The following PKNOX2 variants were observed in gnomAD, a reference collection of about 807,000 sequenced individuals.
The protein encoded by PKNOX2 is homeobox protein PKNOX2.
PKNOX2 carries 14 observed loss-of-function variants against 53.1 expected under a neutral mutation model. The observed-to-expected ratio is 0.26, with a 90% CI of 0.17 to 0.41. PKNOX2 has a LOEUF of 0.41. Ranked by LOEUF, PKNOX2 falls within the 10% of genes least tolerant of loss-of-function variation. PKNOX2 has a pLI of 1.00. For synonymous variants in PKNOX2, 257 were observed against 242.8 expected (o/e 1.06, Z -0.54); for missense variants, 496 against 602.8 (o/e 0.82, Z 1.85).
rs534448203 is a variant in PKNOX2 at position 125,315,303 on chromosome 11, G to GAAAAAAAAAAAAAAAAAAA, written c.-129-16509_-129-16491dup. Among the ~76,000 whole-genome samples the GAAAAAAAAAAAAAAAAAAA allele has an allele frequency of 4.7e-4, 37 of 79,436 alleles. 1 individual carries two copies. The highest frequency in any genetic ancestry group is 8.2e-4 in the Non-Finnish European group (30 of 36,504). 52.1% of individuals were successfully genotyped at this position (79,436 alleles called of 152,430 possible). On this transcript the variant is annotated intron_variant, in intron 2 of 12. Coordinates refer to ENST00000298282, the MANE Select transcript of PKNOX2 (RefSeq NM_001382323.2). ...ATTCACTTTACTGTTTGTGAAGCAG[G>GAAAAAAAAAAAAAAAAAAA]AAAAAAAAAAAAAAAAAAAAAAAAA...
At chr11:125,413,360 C>T (rs1255428324) in intron 10 of PKNOX2, among the ~76,000 whole-genome samples, 1 of 152,188 alleles carries the variant, frequency 6.6e-6, no homozygotes, top group African/African-American at 2.4e-5. Context: ...AGGTCTCCTG[C>T]CTTTCAGGTT....
intron 3 of PKNOX2, among the ~76,000 whole-genome samples, chr11:125,343,207 G>C (rs1219291637): frequency 2.6e-5 from 4 of 152,146 alleles, no homozygotes; most frequent in Non-Finnish European, 1.5e-5. Flanking sequence ...CAGGTGTGGT[G>C]AGTGTGAGTT....
At chr11:125,385,867 T>G (rs532479683) in intron 6 of PKNOX2, 145 bp downstream of exon 6, 3 of 1,006,882 alleles carry the variant, frequency 3.0e-6, no homozygotes, top group Non-Finnish European at 4.2e-6. Flanking sequence ...TGCACCAGTC[T>G]TGCAGCCAAC....
At position 125,367,910 on chromosome 11, in the gene PKNOX2, C is replaced by A; in HGVS notation, c.152C>A (p.Ala51Asp). Residue 51 changes from alanine (A) to aspartate (D), a missense_variant, in exon 5 of 13, where the codon GCT becomes GAT. Transcript: ENST00000298282. ...QAVHISAPSA[A>D]ASTPVPSAPI... The stretch of plus-strand genomic sequence containing the variant: ...GTCCACATCTCTGCCCCCTCAGCTG[C>A]TGCCAGCACACCTGTGCCCAGTGCC... 6.2e-7 allele frequency: 1 copy of A among 1,613,790 alleles called. No individual in the cohort carries two copies. Among genetic ancestry groups the A allele is most frequent in the Non-Finnish European group, 8.5e-7 (1 of 1,179,922 alleles).
chr11:125,207,159 G>C (rs1028964695), intron 1 of PKNOX2, among the ~76,000 whole-genome samples: 2 of 151,792 alleles, frequency 1.3e-5, no homozygotes, highest in Non-Finnish European at 2.9e-5. Context: ...AACATAAGAG[G>C]AAAAATAGGT....
intron 2 of PKNOX2, among the ~76,000 whole-genome samples, chr11:125,249,077 A>G (rs1452848380): frequency 1.8e-5 from 2 of 111,096 alleles, no homozygotes; most frequent in Admixed American, 1.8e-4. Context: ...ACACATATAT[A>G]CACACACACA....
intron 2 of PKNOX2, among the ~76,000 whole-genome samples, chr11:125,246,042 A>G (rs551925754): frequency 9.8e-5 from 15 of 152,344 alleles, no homozygotes; most frequent in Non-Finnish European, 1.5e-4. Context: ...AACCTCACCA[A>G]TTCCTGGGGT....
chr11:125,187,703 C>T (rs1317853519), intron 1 of PKNOX2, among the ~76,000 whole-genome samples: 1 of 151,844 alleles, frequency 6.6e-6, no homozygotes, highest in Non-Finnish European at 1.5e-5. Context: ...GAACTTCCAG[C>T]CAATATTGAA....
At chr11:125,396,881 G>A (rs1033269384) in intron 6 of PKNOX2, among the ~76,000 whole-genome samples, 1 of 152,108 alleles carries the variant, frequency 6.6e-6, no homozygotes, top group Non-Finnish European at 1.5e-5. Flanking sequence ...AACAATTCTG[G>A]CACTTAGAAA....
chr11:125,243,672 G>A (rs369409004), intron 2 of PKNOX2, among the ~76,000 whole-genome samples: 1 of 151,266 alleles, frequency 6.6e-6, no homozygotes, highest in South Asian at 2.1e-4. Context: ...GCCCAGGCTG[G>A]AGTGCAGTGG....
chr11:125,315,318 A>AAAAAC (rs1949099491), intron 2 of PKNOX2, among the ~76,000 whole-genome samples: 2 of 151,470 alleles, frequency 1.3e-5, no homozygotes, highest in African/African-American at 4.9e-5. Context: ...AAAAAAAAAA[A>AAAAAC]AAAAAAAAAA....
At chr11:125,394,915 C>G (rs1326443435) in intron 6 of PKNOX2, among the ~76,000 whole-genome samples, 1 of 152,190 alleles carries the variant, frequency 6.6e-6, no homozygotes, top group Non-Finnish European at 1.5e-5. Context: ...CAGCCAGGAA[C>G]AATCCACCAA....
At chr11:125,224,202 T>C (rs1261045003) in intron 1 of PKNOX2, among the ~76,000 whole-genome samples, 1 of 152,276 alleles carries the variant, frequency 6.6e-6, no homozygotes, top group African/African-American at 2.4e-5. Flanking sequence ...GGGCCTTCCC[T>C]GGCCTCTCCG....
At chr11:125,366,806 T>G (rs1388638385) in intron 4 of PKNOX2, among the ~76,000 whole-genome samples, 1 of 152,256 alleles carries the variant, frequency 6.6e-6, no homozygotes, top group Non-Finnish European at 1.5e-5. Flanking sequence ...AATATCTGAT[T>G]CTTTCAAGGC....
intron 7 of PKNOX2, 166 bp from the exon 8 acceptor site, chr11:125,410,030 C>A: frequency 1.1e-6 from 1 of 880,568 alleles, no homozygotes; most frequent in Non-Finnish European, 1.7e-6. Context: ...TCTTATTCAC[C>A]CTTTCTAGGA....
intron 3 of PKNOX2, among the ~76,000 whole-genome samples, chr11:125,341,873 G>A (rs1950706125): frequency 6.6e-6 from 1 of 152,270 alleles, no homozygotes; most frequent in Non-Finnish European, 1.5e-5. Flanking sequence ...CCTTCCCCAG[G>A]GCTGGCTTTC....
At chr11:125,416,723 G>T (rs1955905567) in intron 10 of PKNOX2, among the ~76,000 whole-genome samples, 1 of 152,074 alleles carries the variant, frequency 6.6e-6, no homozygotes, top group Non-Finnish European at 1.5e-5. Flanking sequence ...ATGATTTACA[G>T]AAGAAGTGGA....
At chr11:125,246,485 GCTACTGGTGCTCAT>G (rs1261391051) in intron 2 of PKNOX2, among the ~76,000 whole-genome samples, 1 of 152,184 alleles carries the variant, frequency 6.6e-6, no homozygotes, top group African/African-American at 2.4e-5. Context: ...CCTGGGACAC[GCTACTGGTGCTCAT>G]CTCTGCCTTC....
Position 125,416,085 on chromosome 11 carries a change from C to G in PKNOX2, c.936+4220C>G, listed in dbSNP as rs562574086. Among the ~76,000 whole-genome samples, 716 of 151,884 alleles carry G rather than the reference C, an allele frequency of 4.7e-3. 7 individuals are homozygous for G. Among genetic ancestry groups the G allele is most frequent in the African/African-American group, 0.015 (634 of 41,416 alleles). ...TTGGGAGGCCGAGGCGGGCGGATCACGAGGTCAGGAGATCGAGACCATCCC... is the reference window on the plus strand; with the variant it reads ...TTGGGAGGCCGAGGCGGGCGGATCAGGAGGTCAGGAGATCGAGACCATCCC... On this transcript the variant is annotated intron_variant, in intron 10 of 12. Transcript: ENST00000298282.
Sources: allele counts gnomAD v4.1 joint callset (sites outside exome capture counted in the v4.1 genomes callset), GRCh38; gene constraint gnomAD v4.1.1; transcripts MANE v1.5; gene names NCBI Gene and HGNC (gene_info 2026-07-23, HGNC 2026-07-21).